WASHC5: variants seen among roughly 807,000 people sequenced by gnomAD.
WASHC5 encodes the protein WASH complex subunit 5.
A neutral mutation model predicts 150.4 loss-of-function variants in WASHC5; 101 were observed. The observed-to-expected ratio is 0.67, with a 90% CI of 0.57 to 0.79. The LOEUF is 0.79. Ranked by LOEUF, WASHC5 falls within the 30% of genes least tolerant of loss-of-function variation. WASHC5 has a pLI of 0.00. For synonymous variants in WASHC5, 467 were observed against 491.2 expected, an observed-to-expected ratio of 0.95 and a Z score of 0.65; for missense variants, 1,195 against 1,396.3, an observed-to-expected ratio of 0.86 and a Z score of 2.30.
intron 27 of WASHC5, 53 bp from the exon 28 acceptor site, chr8:125,028,760 T>G: frequency 4.8e-6 from 6 of 1,255,642 alleles, no homozygotes; most frequent in Non-Finnish European, 7.0e-6. Context: ...TCATAAGCCC[T>G]TTTGGTCAGA....
At chr8:125,076,744 T>TAAAAAAAAAAAAAAAAAAA (rs59580091) in intron 6 of WASHC5, among the ~76,000 whole-genome samples, 4 of 132,274 alleles carry the variant, frequency 3.0e-5, no homozygotes, top group African/African-American at 1.3e-4. Context: ...AGTCTTTTCT[T>TAAAAAAAAAAAAAAAAAAA]AAAAAAAAAA....
At chr8:125,024,706 GT>G in intron 28 of WASHC5, 33 bp from the exon 29 acceptor site, 1 of 1,445,962 alleles carries the variant, frequency 6.9e-7, no homozygotes, top group Non-Finnish European at 9.7e-7. Flanking sequence ...TATTCATGGT[GT>G]TATAGTTGAA....
chr8:125,044,505 AG>A (rs748547454), intron 21 of WASHC5, 30 bp downstream of exon 21: 12 of 1,613,172 alleles, frequency 7.4e-6, no homozygotes, highest in Non-Finnish European at 8.5e-6. Context: ...CCAGGGTGGC[AG>A]AAAACAGGCA....
intron 17 of WASHC5, among the ~76,000 whole-genome samples, chr8:125,051,811 C>T (rs769730044): frequency 6.6e-6 from 1 of 152,120 alleles, no homozygotes; most frequent in Non-Finnish European, 1.5e-5. Flanking sequence ...TGCTTGAACT[C>T]GGGAGGAGGA....
intron 21 of WASHC5, 150 bp downstream of exon 21, chr8:125,044,386 G>T: frequency 1.2e-6 from 1 of 858,400 alleles, no homozygotes; most frequent in Non-Finnish European, 2.0e-6. Context: ...TTTATTCCCA[G>T]CTCTGATCTA....
intron 5 of WASHC5, among the ~76,000 whole-genome samples, chr8:125,080,508 T>C (rs1194220200): frequency 6.6e-6 from 1 of 152,132 alleles, no homozygotes; most frequent in Non-Finnish European, 1.5e-5. Context: ...TGCCGAAAAG[T>C]ATAATGTCCC....
intron 5 of WASHC5, 45 bp from the exon 6 acceptor site, chr8:125,078,975 A>C: frequency 1.3e-6 from 2 of 1,517,814 alleles, no homozygotes; most frequent in South Asian, 1.1e-5. Flanking sequence ...AAACACACAT[A>C]TTAGAAACTG....
At chr8:125,074,551 T>C (rs559385363) in intron 8 of WASHC5, among the ~76,000 whole-genome samples, 2 of 152,338 alleles carry the variant, frequency 1.3e-5, no homozygotes, top group East Asian at 3.9e-4. Context: ...ATGAATGTCT[T>C]GAGTCTTGTT....
chr8:125,055,569 C>T lies in WASHC5; in HGVS notation c.2097+22G>A, dbSNP rs72720514. The T allele has an allele frequency of 3.1e-5, 45 of 1,470,110 alleles. No individual in the cohort carries two copies. In the African/African-American group the frequency reaches 3.8e-4, roughly 12 times the overall value. 91.1% of individuals were successfully genotyped at this position (1,470,110 alleles called of 1,614,324 possible). A position where few individuals can be genotyped will look rare whatever the true frequency, so the allele number is the denominator to read the frequency against. On this transcript the variant is annotated intron_variant, in intron 17 of 28. Coordinates refer to ENST00000318410, the MANE Select transcript of WASHC5 (RefSeq NM_014846.4). ...AGCTAAGAGTCATGGTGCGAGGCCA[C>T]GCAGACTAACAAAACTGTTACCTTG...
chr8:125,038,980 G>C lies in WASHC5; in HGVS notation c.2955-21C>G, dbSNP rs1336728163. ...GAGCCCTAAAGGAAGAAAAACCCTGGAGATAAACATTAGTGAGTAAATGAA... is the reference window on the plus strand; with the variant it reads ...GAGCCCTAAAGGAAGAAAAACCCTGCAGATAAACATTAGTGAGTAAATGAA... On this transcript the variant is annotated intron_variant, in intron 24 of 28. Transcript: ENST00000318410. The C allele has an allele frequency of 3.1e-6, 5 of 1,611,562 alleles. No homozygotes were observed. In the Middle Eastern group the frequency reaches 5.1e-4, roughly 163 times the overall value.
At chr8:125,063,751 A>G in intron 10 of WASHC5, 100 bp from the exon 11 acceptor site, 2 of 1,039,886 alleles carry the variant, frequency 1.9e-6, no homozygotes, top group South Asian at 1.3e-5. Context: ...ATTTTAAATA[A>G]GAAGCTACAC....
At chr8:125,082,821 T>C in intron 3 of WASHC5, 1 of 361,188 alleles carries the variant, frequency 2.8e-6, no homozygotes, top group South Asian at 4.4e-5. Flanking sequence ...AAGTTCTTTT[T>C]CCCACTTTTC....
rs760751935 is a variant in WASHC5 at position 125,059,487 on chromosome 8, T to G, written c.1577A>C (p.Asp526Ala). 1 of 1,614,006 alleles carries G rather than the reference T, an allele frequency of 6.2e-7. No individual in the cohort carries two copies. The highest frequency in any genetic ancestry group is 1.7e-5 in the Admixed American group (1 of 60,024). Residue 526 changes from aspartate to alanine, a missense_variant, in exon 13 of 29, where the codon GAT (aspartate) becomes GCT (alanine). This residue lies in a region of WASHC5 where 997 missense variants were observed against 1,168.1 expected (regional missense o/e 0.85). Coordinates refer to ENST00000318410, the MANE Select transcript of WASHC5 (RefSeq NM_014846.4). ...SNLQVCQFLADTRKFLHQMIR... is the reference protein window; with the variant it reads ...SNLQVCQFLAATRKFLHQMIR... ...CATTTGATGAAGAAACTTTCGAGTA[T>G]CGGCAAGAAACTGACATACTTGCAG...
chr8:125,047,143 G>A (rs1816091657), intron 20 of WASHC5, 64 bp downstream of exon 20: 2 of 1,587,124 alleles, frequency 1.3e-6, no homozygotes, highest in Non-Finnish European at 1.7e-6. Flanking sequence ...TGTGCCACAG[G>A]GCCACAGATG....
At chr8:125,033,706 G>A (rs1017440507) in intron 26 of WASHC5, among the ~76,000 whole-genome samples, 1 of 152,002 alleles carries the variant, frequency 6.6e-6, no homozygotes, top group African/African-American at 2.4e-5. Context: ...GTGCCACCAC[G>A]TCTGGCTAAT....
chr8:125,043,692 C>T (rs1815962276), intron 23 of WASHC5, 133 bp downstream of exon 23: 1 of 689,282 alleles, frequency 1.5e-6, no homozygotes, highest in East Asian at 2.7e-5. Flanking sequence ...AAATGATAAA[C>T]TGAAGTATTA....
Position 125,024,558 on chromosome 8 carries a change from A to G in WASHC5, c.*59T>C. The G allele has an allele frequency of 7.8e-7, 1 of 1,279,482 alleles. No individual in the cohort carries two copies. Among genetic ancestry groups the G allele is most frequent in the Non-Finnish European group, 1.1e-6 (1 of 875,022 alleles). 79.3% of individuals were successfully genotyped at this position (1,279,482 alleles called of 1,614,324 possible). On this transcript the variant is annotated 3_prime_UTR_variant, in exon 29 of 29. Coordinates refer to ENST00000318410, the MANE Select transcript of WASHC5 (RefSeq NM_014846.4). Reference sequence around the variant, plus strand: ...TGAGTTTCTTTTCATCTTCAAATTCATTTGTGATGGTGGGAAGATCTAAGG... The same window carrying G: ...TGAGTTTCTTTTCATCTTCAAATTCGTTTGTGATGGTGGGAAGATCTAAGG...
intron 23 of WASHC5, among the ~76,000 whole-genome samples, chr8:125,041,978 T>C (rs1221682015): frequency 6.6e-6 from 1 of 152,220 alleles, no homozygotes; most frequent in Non-Finnish European, 1.5e-5. Flanking sequence ...TAGTATACTC[T>C]GTGTCAAGGA....
chr8:125,059,382 A>T lies in WASHC5; in HGVS notation c.1682T>A (p.Ile561Asn), dbSNP rs1292184472. 7 of 1,614,192 alleles carry T rather than the reference A, an allele frequency of 4.3e-6. No individual in the cohort carries two copies. The highest frequency in any genetic ancestry group is 5.9e-6 in the Non-Finnish European group (7 of 1,180,018). ...VGDLSFAWQLIDSFTSIMQES... is the reference protein window; with the variant it reads ...VGDLSFAWQLNDSFTSIMQES... Reference sequence around the variant, plus strand: ...GTCAGGCTGCCTACATTACCTGTCAATCAACTGCCAAGCGAAAGAAAGGTC... The same window carrying T: ...GTCAGGCTGCCTACATTACCTGTCATTCAACTGCCAAGCGAAAGAAAGGTC... The change falls in exon 13 of 29, where the codon ATT becomes AAT. Residue 561 changes from isoleucine to asparagine, a missense_variant. By Grantham distance (149) the Ile-to-Asn change is moderately radical. Around this residue, in one of 3 missense-constraint regions of WASHC5, gnomAD observed 997 missense variants for 1,168.1 expected, o/e 0.85. Coordinates refer to ENST00000318410, the MANE Select transcript of WASHC5 (RefSeq NM_014846.4).
Sources: gnomAD v4.1 joint callset for allele counts (sites outside exome capture counted in the v4.1 genomes callset) on GRCh38, gnomAD v4.1.1 for gene constraint, gnomAD v4.1.1 regional missense constraint, MANE v1.5 for transcripts, NCBI Gene and HGNC (gene_info 2026-07-23, HGNC 2026-07-21) for gene names.